Variants in SPATA22 observed in about 807,000 individuals in gnomAD.
The protein encoded by SPATA22 is spermatogenesis associated 22, also known as spermatogenesis-associated protein 22.
In SPATA22, 29 loss-of-function variants were observed where a neutral mutation model predicts 47.8. The observed-to-expected ratio is 0.61, with a 90% CI of 0.45 to 0.83. The LOEUF (loss-of-function observed/expected upper bound fraction) is 0.83. Ranked by LOEUF, SPATA22 falls within the 40% of genes least tolerant of loss-of-function variation. The pLI is 0.00. For synonymous variants in SPATA22, 133 were observed against 140.9 expected, an observed-to-expected ratio of 0.94 and a Z score of 0.40; for missense variants, 410 against 421.7, an observed-to-expected ratio of 0.97 and a Z score of 0.24.
chr17:3,457,542 T>G (rs2073025777), intron 5 of SPATA22, among the ~76,000 whole-genome samples: 1 of 152,092 alleles, frequency 6.6e-6, no homozygotes, highest in Non-Finnish European at 1.5e-5. Context: ...TGAGAAAGAA[T>G]AAAGCTGCAG....
chr17:3,466,735 G>T (rs11652519), intron 3 of SPATA22, among the ~76,000 whole-genome samples: 50,020 of 152,044 alleles, frequency 0.33, 10,540 homozygotes, highest in Non-Finnish European at 0.48. Flanking sequence ...GGAAGTCAAG[G>T]CTTCTTACTG....
At chr17:3,464,320 C>T (rs4790489) in intron 3 of SPATA22, among the ~76,000 whole-genome samples, 31,431 of 147,850 alleles carry the variant, frequency 0.21, 2,230 homozygotes, top group East Asian at 0.37. Context: ...GGCGTGATCT[C>T]GGCTCGCTAC....
At chr17:3,440,425 T>C in intron 8 of SPATA22, 87 bp from the exon 9 acceptor site, 1 of 1,122,608 alleles carries the variant, frequency 8.9e-7, no homozygotes, top group African/African-American at 1.6e-5. Flanking sequence ...CAACTAAACA[T>C]GTGCCACCTC....
upstream of SPATA22, chr17:3,471,829 G>C: frequency 2.0e-6 from 2 of 984,980 alleles, no homozygotes; most frequent in Non-Finnish European, 2.4e-6. Flanking sequence ...CAGGCTGTTC[G>C]CAGGCGCCGT....
chr17:3,498,743 G>C, intron 1 of SPATA22: 1 of 725,226 alleles, frequency 1.4e-6, no homozygotes, highest in Non-Finnish European at 2.1e-6. Flanking sequence ...AGCGCAGTCA[G>C]ATCACTTGCC....
intron 5 of SPATA22, among the ~76,000 whole-genome samples, chr17:3,455,105 G>A (rs2072955185): frequency 6.6e-6 from 1 of 152,036 alleles, no homozygotes; most frequent in Admixed American, 6.6e-5. Flanking sequence ...CTTCTTTTAA[G>A]AAGTGTCTGT....
At position 3,478,168 on chromosome 17, in the gene SPATA22, G is replaced by A. The variant is rs554095086; in HGVS notation, c.-73-8770C>T. On this transcript the variant is annotated intron_variant, in intron 1 of 8. Coordinates refer to the SPATA22 transcript ENST00000541913. ...CCACTGCACTCCAGCCTGGGTGACAGAGCGAGACTCCGTCTCAAAAAAAAA... is the reference window on the plus strand; with the variant it reads ...CCACTGCACTCCAGCCTGGGTGACAAAGCGAGACTCCGTCTCAAAAAAAAA... Among the ~76,000 whole-genome samples the A allele has an allele frequency of 1.6e-4, 24 of 151,964 alleles. No individual in the cohort carries two copies. The East Asian group carries it at 4.5e-3, about 28-fold the overall frequency.
At chr17:3,458,079 T>G (rs12949205) in intron 5 of SPATA22, among the ~76,000 whole-genome samples, 1 of 151,988 alleles carries the variant, frequency 6.6e-6, no homozygotes, top group African/African-American at 2.4e-5. Context: ...TATGTAACTG[T>G]TAAGTAGTTA....
At chr17:3,497,517 T>TA (rs1241486954) in intron 1 of SPATA22, among the ~76,000 whole-genome samples, 6 of 152,102 alleles carry the variant, frequency 3.9e-5, no homozygotes, top group African/African-American at 7.2e-5. Flanking sequence ...TCACTGTAGG[T>TA]AAATTTAAAA....
At chr17:3,494,071 T>C (rs1054491842) in intron 1 of SPATA22, among the ~76,000 whole-genome samples, 4 of 151,916 alleles carry the variant, frequency 2.6e-5, no homozygotes, top group Non-Finnish European at 5.9e-5. Flanking sequence ...AGTTTCACTC[T>C]TGTTGCCCAG....
chr17:3,471,661 G>A (rs2073439200), intron 1 of SPATA22, 21 bp downstream of exon 1: 1 of 983,606 alleles, frequency 1.0e-6, no homozygotes, highest in African/African-American at 1.8e-5. Context: ...ACGGAGTGGG[G>A]GCAGTTTGGT....
intron 5 of SPATA22, among the ~76,000 whole-genome samples, chr17:3,455,985 T>C (rs550526872): frequency 9.8e-5 from 15 of 152,326 alleles, no homozygotes; most frequent in African/African-American, 3.6e-4. Flanking sequence ...CAGTGATTTG[T>C]AGTTCTCCTT....
intron 8 of SPATA22, among the ~76,000 whole-genome samples, 196 bp downstream of exon 8, chr17:3,442,978 T>C (rs991517287): frequency 6.6e-6 from 1 of 151,890 alleles, no homozygotes; most frequent in African/African-American, 2.4e-5. Flanking sequence ...CCACTTTATA[T>C]CCCTCAAACC....
At chr17:3,509,924 G>A (rs1292815523) in intron 1 of SPATA22, among the ~76,000 whole-genome samples, 1 of 152,092 alleles carries the variant, frequency 6.6e-6, no homozygotes, top group Admixed American at 6.6e-5. Context: ...CAGTGATGAT[G>A]AGCTTTTTTT....
At chr17:3,513,855 A>C (rs562204969), upstream of SPATA22, 204 of 1,409,436 alleles carry the variant, frequency 1.4e-4, 1 homozygote, top group South Asian at 2.2e-3. Context: ...CTCTGCACAG[A>C]GTCGGTGACT....
chr17:3,463,432 G>C (rs960420594), intron 3 of SPATA22, among the ~76,000 whole-genome samples: 1 of 152,146 alleles, frequency 6.6e-6, no homozygotes, highest in Non-Finnish European at 1.5e-5. Flanking sequence ...TAACATAATA[G>C]TATTTGTGTA....
chr17:3,440,464 A>G, intron 8 of SPATA22, 126 bp from the exon 9 acceptor site: 1 of 704,670 alleles, frequency 1.4e-6, no homozygotes, highest in Non-Finnish European at 2.2e-6. Context: ...CACGTGAGTC[A>G]GGGCCCCACT....
intron 5 of SPATA22, among the ~76,000 whole-genome samples, chr17:3,462,119 C>T (rs2073137944): frequency 6.6e-6 from 1 of 152,148 alleles, no homozygotes; most frequent in Non-Finnish European, 1.5e-5. Flanking sequence ...CTAATTGGTT[C>T]TCAAGTCCTA....
chr17:3,441,699 T>C (rs1372288397), intron 8 of SPATA22: 1 of 152,010 alleles, frequency 6.6e-6, no homozygotes, highest in Non-Finnish European at 1.5e-5. Context: ...GAGACATAGA[T>C]AAGAATGTTC....
Sources: allele counts gnomAD v4.1 joint callset (sites outside exome capture counted in the v4.1 genomes callset), GRCh38; gene constraint gnomAD v4.1.1; transcripts MANE v1.5; gene names NCBI Gene and HGNC (gene_info 2026-07-23, HGNC 2026-07-21).